MROH2B: variants seen among roughly 807,000 people sequenced by gnomAD.
The protein encoded by MROH2B is maestro heat-like repeat-containing protein family member 2B.
MROH2B carries 177 observed loss-of-function variants against 208.6 expected under a neutral mutation model. That is an observed-to-expected ratio of 0.85 (90% CI 0.75 to 0.96). The LOEUF (loss-of-function observed/expected upper bound fraction) is 0.96. Among genes scored for constraint, MROH2B ranks in the 40% least tolerant of loss-of-function variants. The probability of loss-of-function intolerance (pLI) is 0.00; values close to 1 mark genes in which losing one functional copy is unlikely to be tolerated. For synonymous variants in MROH2B, 728 were observed against 659.0 expected (o/e 1.10, Z -1.60); for missense variants, 2,002 against 1,878.7 (o/e 1.07, Z -1.21).
chr5:41,003,574 C>T (rs1188913973), intron 37 of MROH2B, among the ~76,000 whole-genome samples: 2 of 152,048 alleles, frequency 1.3e-5, no homozygotes, highest in Non-Finnish European at 2.9e-5. Flanking sequence ...CACAGGCTTG[C>T]AAAATATTTA....
chr5:41,040,869 G>A (rs1257642790), intron 19 of MROH2B, among the ~76,000 whole-genome samples: 2 of 152,004 alleles, frequency 1.3e-5, no homozygotes, highest in East Asian at 3.9e-4. Flanking sequence ...GTTTCACTAT[G>A]TTAGCCAGAC....
rs368816862 is a variant in MROH2B, at chr5:41,004,519, G to A, written c.4021C>T (p.His1341Tyr). The change falls in exon 37 of 42, where the codon CAT becomes TAT. Residue 1341 changes from histidine to tyrosine, a missense_variant. His to Tyr is a moderately conservative substitution (Grantham distance 83). Coordinates refer to ENST00000399564, the MANE Select transcript of MROH2B (RefSeq NM_173489.5). ...ASGAPHKVKKHKQLMLESIIR... is the reference protein window; with the variant it reads ...ASGAPHKVKKYKQLMLESIIR... ...ATAGATTCTAGCATTAACTGCTTAT[G>A]TTTCTTCACCTATTTTGAAATAAGA... 1.9e-6 allele frequency: 3 copies of A among 1,606,570 alleles called. No individual in the cohort carries two copies. Among genetic ancestry groups the A allele is most frequent in the Admixed American group, 3.4e-5 (2 of 58,022 alleles).
intron 4 of MROH2B, 86 bp downstream of exon 4, chr5:41,065,245 C>G: frequency 2.3e-6 from 3 of 1,306,362 alleles, no homozygotes; most frequent in Non-Finnish European, 3.1e-6. Flanking sequence ...GAGATGCTAT[C>G]TCTTCTACCG....
At chr5:41,058,757 G>A (rs1029199671) in intron 6 of MROH2B, among the ~76,000 whole-genome samples, 61 of 152,092 alleles carry the variant, frequency 4.0e-4, no homozygotes, top group African/African-American at 1.4e-3. Flanking sequence ...TCATCTTAAA[G>A]AACCTTCAAG....
chr5:41,019,146 G>T, intron 24 of MROH2B, 128 bp from the exon 25 acceptor site: 1 of 1,180,036 alleles, frequency 8.5e-7, no homozygotes, highest in Non-Finnish European at 1.2e-6. Context: ...GACACGTTGG[G>T]ATGTTGAGAA....
rs776546463 is a variant in MROH2B, at chr5:41,012,573, A to G, written c.3135+10T>C. 4 of 1,602,476 alleles carry G rather than the reference A, an allele frequency of 2.5e-6. No individual in the cohort carries two copies. The highest frequency in any genetic ancestry group is 2.5e-6 in the Non-Finnish European group (3 of 1,176,540). On this transcript the variant is annotated intron_variant, in intron 30 of 41. Transcript: ENST00000399564. Reference sequence around the variant, plus strand: ...ATCTGTTCAGTTGTTAAAACTGGCTATCAGTTCACCTGATCTTCCAGAGCA... The same window carrying G: ...ATCTGTTCAGTTGTTAAAACTGGCTGTCAGTTCACCTGATCTTCCAGAGCA...
In MROH2B at chr5:41,033,077, C is replaced by T. The variant is rs779158845; in HGVS notation, c.2325G>A (p.Gln775=). 6.2e-7 allele frequency: 1 copy of T among 1,613,150 alleles called. No homozygotes were observed. Among genetic ancestry groups the T allele is most frequent in the South Asian group, 1.1e-5 (1 of 91,074 alleles). ...CAATCAGCATCTCCTTGTAGGAAAA[C>T]TGGAACCCCTGATCCTCAGCATCTT... ...AVQDAEDQGF[Q]FSYKEMLIGY... is the part of the protein sequence containing the mutation. Residue 775 remains glutamine (Q), a synonymous_variant, in exon 23 of 42, where the codon CAG becomes CAA. Coordinates refer to ENST00000399564, the MANE Select transcript of MROH2B (RefSeq NM_173489.5).
At chr5:41,048,558 A>T (rs1192762249) in intron 15 of MROH2B, 93 bp from the exon 16 acceptor site, 1 of 1,306,146 alleles carries the variant, frequency 7.7e-7, no homozygotes, top group Non-Finnish European at 1.0e-6. Flanking sequence ...AATTCCTTTG[A>T]TTTCTGCATT....
chr5:41,005,436 T>A, intron 35 of MROH2B, 95 bp downstream of exon 35: 2 of 198,468 alleles, frequency 1.0e-5, no homozygotes, highest in Non-Finnish European at 2.0e-5. Flanking sequence ...TTGAAGTCTC[T>A]CTTCCCTGGT....
intron 16 of MROH2B, 55 bp from the exon 17 acceptor site, chr5:41,047,819 C>G: frequency 1.4e-6 from 2 of 1,457,084 alleles, no homozygotes; most frequent in Non-Finnish European, 1.9e-6. Flanking sequence ...CCCCAAGACT[C>G]AAATTCTCCC....
At chr5:41,070,787 G>T in intron 1 of MROH2B, 38 bp downstream of exon 1, 1 of 1,601,422 alleles carries the variant, frequency 6.2e-7, no homozygotes, top group Non-Finnish European at 8.5e-7. Flanking sequence ...CAAAACACAG[G>T]GAAGAGCCTT....
In MROH2B at chr5:41,004,460, T is replaced by G. The variant is rs199637688; in HGVS notation, c.4080A>C (p.Glu1360Asp). 1.8e-5 allele frequency: 29 copies of G among 1,614,012 alleles called. No individual in the cohort carries two copies. The highest frequency in any genetic ancestry group is 2.5e-5 in the Non-Finnish European group (29 of 1,179,882). ...GAGCCTTCAAGCTTTCACAGACGAC[T>G]TCAGTGCGAGCTAGGTGATACAGGC... ...IRGLYHLARTEVVCESLKALK... is the reference protein window; with the variant it reads ...IRGLYHLARTDVVCESLKALK... Residue 1360 changes from glutamate to aspartate, a missense_variant, in exon 37 of 42, where the codon GAA becomes GAC. Physicochemically the swap from Glu to Asp is conservative, Grantham distance 45 (BLOSUM62 2). Transcript: ENST00000399564.
rs891788215 is a variant in MROH2B at position 41,014,080 on chromosome 5, G to A, written c.2982+1301C>T. ...CCTAGAAGAGGCATTTGCACACTAG[G>A]AATATGAGCCCCGTCCTCAAGATAT... On this transcript the variant is annotated intron_variant, in intron 29 of 41. Coordinates refer to ENST00000399564, the MANE Select transcript of MROH2B (RefSeq NM_173489.5). Among the ~76,000 whole-genome samples, 36 of 152,126 alleles carry A rather than the reference G, an allele frequency of 2.4e-4. 1 individual carries two copies. The highest frequency in any genetic ancestry group is 1.5e-3 in the Admixed American group (23 of 15,264).
rs959709792 is a variant in MROH2B, at chr5:41,016,500, T to C, written c.2885-1022A>G. ...CATATTTCTGTTACTACTGTAATGT[T>C]TTTTTTTTTTTTTTTTTTTTTTGAG... is the stretch of plus-strand genomic sequence containing the variant. On this transcript the variant is annotated intron_variant, in intron 28 of 41. Transcript: ENST00000399564. Among the ~76,000 whole-genome samples, 363 of 129,392 alleles carry C rather than the reference T, an allele frequency of 2.8e-3. 2 individuals carry two copies. Among genetic ancestry groups the C allele is most frequent in the African/African-American group, 0.01 (347 of 33,466 alleles). 84.9% of individuals were successfully genotyped at this position (129,392 alleles called of 152,430 possible).
chr5:41,021,974 C>A (rs1263301738), intron 24 of MROH2B, among the ~76,000 whole-genome samples: 1 of 152,114 alleles, frequency 6.6e-6, no homozygotes, highest in Non-Finnish European at 1.5e-5. Flanking sequence ...GTGCCAAGAC[C>A]ATTCCATGGG....
chr5:41,028,394 T>C (rs1742453514), intron 24 of MROH2B, among the ~76,000 whole-genome samples: 1 of 152,200 alleles, frequency 6.6e-6, no homozygotes, highest in Non-Finnish European at 1.5e-5. Flanking sequence ...TGTACATTAT[T>C]AAATCTTTAG....
chr5:41,032,418 T>A (rs112190522), intron 24 of MROH2B, among the ~76,000 whole-genome samples: 1 of 152,152 alleles, frequency 6.6e-6, no homozygotes, highest in Non-Finnish European at 1.5e-5. Context: ...TCATAAGATT[T>A]TAATTGAAAG....
intron 2 of MROH2B, among the ~76,000 whole-genome samples, chr5:41,068,876 CCCTGGTAGTAGGG>C (rs1419665099): frequency 6.6e-6 from 1 of 152,148 alleles, no homozygotes; most frequent in Non-Finnish European, 1.5e-5. Context: ...CAATCAGAAT[CCCTGGTAGTAGGG>C]CCTGGGTGTT....
At position 41,065,346 on chromosome 5, in the gene MROH2B, A is replaced by G. The variant is rs191930897; in HGVS notation, c.346T>C (p.Leu116=). 3.6e-5 allele frequency: 58 copies of G among 1,612,514 alleles called. No homozygotes were observed. The highest frequency in any genetic ancestry group is 1.7e-4 in the Middle Eastern group (1 of 6,052). ...DEFVVLALAE[L]ATSYVSQSIP... is the part of the protein sequence containing the mutation. ...CCCGCTATACCATAGCTGGTTGCCA[A>G]TTCAGCCAGGGCAAGCACAACGAAT... Residue 116 remains leucine, a synonymous_variant, in exon 4 of 42, where the codon TTG becomes CTG. Coordinates refer to ENST00000399564, the MANE Select transcript of MROH2B (RefSeq NM_173489.5).
Sources: allele counts gnomAD v4.1 joint callset (sites outside exome capture counted in the v4.1 genomes callset), GRCh38; gene constraint gnomAD v4.1.1; transcripts MANE v1.5; gene names NCBI Gene and HGNC (gene_info 2026-07-23, HGNC 2026-07-21).